Variants in CAMK2A observed in about 807,000 individuals in gnomAD.
The protein encoded by CAMK2A is calcium/calmodulin-dependent protein kinase type II subunit alpha.
A neutral mutation model predicts 79.2 loss-of-function variants in CAMK2A; 7 were observed. The observed-to-expected ratio is 0.09, with a 90% CI of 0.05 to 0.17. CAMK2A has a LOEUF of 0.17. Ranked by LOEUF, CAMK2A falls within the 10% of genes least tolerant of loss-of-function variation. The pLI, the probability that CAMK2A is intolerant of heterozygous loss-of-function variation, is 1.00. For missense variants in CAMK2A, 214 were observed against 646.4 expected (o/e 0.33, Z 7.25); for synonymous variants, 242 against 251.7 (o/e 0.96, Z 0.36).
At chr5:150,285,229 A>C (rs970082097) in intron 1 of CAMK2A, among the ~76,000 whole-genome samples, 1 of 152,204 alleles carries the variant, frequency 6.6e-6, no homozygotes, top group African/African-American at 2.4e-5. Context: ...CCCCTGAGCC[A>C]GTCTCTCCAC....
intron 3 of CAMK2A, among the ~76,000 whole-genome samples, chr5:150,264,664 C>T (rs1482561910): frequency 6.6e-6 from 1 of 152,212 alleles, no homozygotes; most frequent in African/African-American, 2.4e-5. Flanking sequence ...GCATGTCCCC[C>T]TGGCCTATTT....
At chr5:150,287,941 G>C (rs879350814) in intron 1 of CAMK2A, among the ~76,000 whole-genome samples, 241 of 126,924 alleles carry the variant, frequency 1.9e-3, no homozygotes, top group African/African-American at 7.4e-3. Flanking sequence ...TAGCCTCTGT[G>C]TGTGTGTGTG....
intron 6 of CAMK2A, among the ~76,000 whole-genome samples, chr5:150,254,466 G>A (rs80150229): frequency 0.028 from 4,288 of 152,286 alleles, 210 homozygotes; most frequent in African/African-American, 0.098. Flanking sequence ...AGCCAGAATC[G>A]AGGCAAAGTC....
chr5:150,274,842 G>A (rs1208105212), intron 1 of CAMK2A, among the ~76,000 whole-genome samples: 11 of 152,218 alleles, frequency 7.2e-5, no homozygotes, highest in Admixed American at 5.9e-4. Flanking sequence ...GCTGGGCCAT[G>A]CCCAGGTTTT....
chr5:150,258,258 C>T (rs1370208277), intron 3 of CAMK2A, among the ~76,000 whole-genome samples: 2 of 152,208 alleles, frequency 1.3e-5, no homozygotes, highest in Non-Finnish European at 2.9e-5. Flanking sequence ...GCCCAGGGCT[C>T]CCAGCATGCA....
At chr5:150,288,241 C>T (rs1193416151) in intron 1 of CAMK2A, among the ~76,000 whole-genome samples, 1 of 152,136 alleles carries the variant, frequency 6.6e-6, no homozygotes, top group East Asian at 1.9e-4. Flanking sequence ...CACCCCTAGA[C>T]CTCACACACA....
rs944341691 is a variant in CAMK2A, at chr5:150,284,584, G to T, written c.62+4980C>A. On this transcript the variant is annotated intron_variant, in intron 1 of 18. Transcript: ENST00000671881. This position sits in a 1 kb window ranked among gnomAD's most constrained non-coding sequence, Gnocchi z 5.3. ...CTGCGCGGGGGCGGAGGGCTGCAGC[G>T]TGCACCAGAACATGTGCGTGCCTGC... 6.6e-6 allele frequency among the ~76,000 whole-genome samples: 1 copy of T among 152,170 alleles called. No homozygotes were observed. The highest frequency in any genetic ancestry group is 1.5e-5 in the Non-Finnish European group (1 of 68,028).
At chr5:150,255,369 G>C (rs1343129627) in intron 6 of CAMK2A, among the ~76,000 whole-genome samples, 1 of 152,244 alleles carries the variant, frequency 6.6e-6, no homozygotes, top group Non-Finnish European at 1.5e-5. Flanking sequence ...TCTCTCTTCA[G>C]AGCATTGTGC....
intron 2 of CAMK2A, among the ~76,000 whole-genome samples, chr5:150,272,283 G>A (rs77939984): frequency 0.026 from 4,035 of 152,280 alleles, 187 homozygotes; most frequent in African/African-American, 0.092. Flanking sequence ...AGAGAAAATA[G>A]GTTGGGCGTG....
intron 14 of CAMK2A, among the ~76,000 whole-genome samples, 198 bp from the exon 15 acceptor site, chr5:150,238,946 G>C (rs1755215516): frequency 6.6e-6 from 1 of 152,334 alleles, no homozygotes; most frequent in Non-Finnish European, 1.5e-5. Flanking sequence ...CCAGGGGCCG[G>C]GTGGGGGAAA....
intron 1 of CAMK2A, among the ~76,000 whole-genome samples, chr5:150,273,882 T>C (rs908571052): frequency 6.6e-6 from 1 of 152,262 alleles, no homozygotes; most frequent in African/African-American, 2.4e-5. Context: ...ACTAGCCGTG[T>C]ATGTGTGCAT....
chr5:150,221,399 G>A lies in CAMK2A; in HGVS notation c.*1311C>T. On this transcript the variant is annotated 3_prime_UTR_variant, in exon 19 of 19. Coordinates refer to ENST00000671881, the MANE Select transcript of CAMK2A (RefSeq NM_015981.4). Reference sequence around the variant, plus strand: ...GTGGTCATCAGACGCCAAGGGGAGAGAGGCAATGAAGACACACGCTCACGG... The same window carrying A: ...GTGGTCATCAGACGCCAAGGGGAGAAAGGCAATGAAGACACACGCTCACGG... 2.5e-6 allele frequency: 1 copy of A among 398,740 alleles called. No individual in the cohort carries two copies. The highest frequency in any genetic ancestry group is 4.4e-5 in the Admixed American group (1 of 22,736). The allele number at this position is 398,740 out of a possible 1,614,324, so 24.7% of individuals were successfully genotyped here.
chr5:150,222,426 C>T lies in CAMK2A; in HGVS notation c.*284G>A. The T allele has an allele frequency of 2.9e-6, 2 of 684,406 alleles. No homozygotes were observed. Among genetic ancestry groups the T allele is most frequent in the Non-Finnish European group, 5.3e-6 (2 of 375,284 alleles). The allele number at this position is 684,406 out of a possible 1,614,324, so 42.4% of individuals were successfully genotyped here. ...CAGATCAGGCGGACAGCAGCTGAGG[C>T]TGGGGAGAGGGGGCCAGTGCTGTGG... is the stretch of plus-strand genomic sequence containing the variant. On this transcript the variant is annotated 3_prime_UTR_variant, in exon 19 of 19. Coordinates refer to ENST00000671881, the MANE Select transcript of CAMK2A (RefSeq NM_015981.4).
intron 13 of CAMK2A, among the ~76,000 whole-genome samples, chr5:150,244,481 G>A (rs1292805487): frequency 6.6e-6 from 1 of 152,248 alleles, no homozygotes; most frequent in Admixed American, 6.5e-5. Context: ...CAGAGGAGGA[G>A]GGAACTGCAG....
chr5:150,271,224 TCC>T (rs1454954533), intron 2 of CAMK2A, among the ~76,000 whole-genome samples: 1 of 152,162 alleles, frequency 6.6e-6, no homozygotes, highest in Non-Finnish European at 1.5e-5. Flanking sequence ...TGTCTCTAGT[TCC>T]CAGCCTTCCA....
In CAMK2A at chr5:150,223,954, A is replaced by T. The variant is rs1054491775; in HGVS notation, c.1238-737T>A. The stretch of plus-strand genomic sequence containing the variant: ...TACTGTATATCTACTTCTACTGTAG[A>T]TATACAGAATTGTGGAAACGTGGAG... On this transcript the variant is annotated intron_variant, in intron 17 of 18. Transcript: ENST00000671881. The surrounding 1 kb of genome is among the most constrained non-coding windows in gnomAD (Gnocchi z 4.1). 2.0e-5 allele frequency among the ~76,000 whole-genome samples: 3 copies of T among 152,192 alleles called. No homozygotes were observed. Among genetic ancestry groups the T allele is most frequent in the African/African-American group, 7.2e-5 (3 of 41,436 alleles).
intron 16 of CAMK2A, among the ~76,000 whole-genome samples, chr5:150,231,048 C>T (rs1754816750): frequency 6.6e-6 from 1 of 152,072 alleles, no homozygotes; most frequent in Non-Finnish European, 1.5e-5. Context: ...TGTTGGAGTT[C>T]CTCCCAGGGA....
In CAMK2A at chr5:150,256,665, G is replaced by GATCT. The variant is rs1562172034; in HGVS notation, c.339-21_339-20insAGAT. 6.2e-7 allele frequency: 1 copy of GATCT among 1,612,800 alleles called. No individual in the cohort carries two copies. Among genetic ancestry groups the GATCT allele is most frequent in the African/African-American group, 1.3e-5 (1 of 74,884 alleles). On this transcript the variant is annotated intron_variant, in intron 5 of 18. Coordinates refer to ENST00000671881, the MANE Select transcript of CAMK2A (RefSeq NM_015981.4). The surrounding 1 kb of genome is among the most constrained non-coding windows in gnomAD (Gnocchi z 4.6). ...CAGTGACTAGGGAGAGAGAGAGGAA[G>GATCT]GGGTCATGGTGGTGTGAGCACAGGC...
chr5:150,275,314 C>A (rs1445789154), intron 1 of CAMK2A, among the ~76,000 whole-genome samples: 3 of 152,156 alleles, frequency 2.0e-5, no homozygotes, highest in Non-Finnish European at 2.9e-5. Flanking sequence ...TTCCAGAGCA[C>A]CCCTGCTTAG....
Sources: gnomAD v4.1 joint callset for allele counts (sites outside exome capture counted in the v4.1 genomes callset) on GRCh38, gnomAD v4.1.1 for gene constraint, Gnocchi (gnomAD v3.1) non-coding constraint, MANE v1.5 for transcripts, NCBI Gene and HGNC (gene_info 2026-07-23, HGNC 2026-07-21) for gene names.